Variants in ORC2 observed in about 807,000 individuals in gnomAD.
ORC2 encodes the protein origin recognition complex subunit 2, also known as origin recognition complex protein 2 homolog.
In ORC2, 37 loss-of-function variants were observed where a neutral mutation model predicts 77.7. The ratio of observed to expected loss-of-function variants is 0.48; its 90% CI spans 0.37 to 0.63. The LOEUF is 0.63. ORC2 is among the 20% of genes least tolerant of loss of function. ORC2 has a pLI of 0.00. For synonymous variants in ORC2, 201 were observed against 229.5 expected (o/e 0.88, Z 1.12); for missense variants, 557 against 661.9 (o/e 0.84, Z 1.74).
chr2:200,925,419 A>G (rs1349873271), intron 13 of ORC2, among the ~76,000 whole-genome samples: 1 of 152,186 alleles, frequency 6.6e-6, no homozygotes, highest in Non-Finnish European at 1.5e-5. Flanking sequence ...ACTTTTTTAG[A>G]GCACCAAGAT....
intron 1 of ORC2, among the ~76,000 whole-genome samples, chr2:200,960,982 G>A (rs903747672): frequency 1.1e-4 from 16 of 152,020 alleles, no homozygotes; most frequent in African/African-American, 3.1e-4. Flanking sequence ...TCACCATGTC[G>A]GCCAGGATGG....
Position 200,909,737 on chromosome 2 carries a change from T to A in ORC2, c.*1564A>T. ...AAAAAAAAAGACTAAGCCCATGGAC[T>A]TAACATAAAATTACTTTTTAAAAAA... On this transcript the variant is annotated 3_prime_UTR_variant, in exon 18 of 18. Transcript: ENST00000234296. 1 of 147,634 alleles carries A rather than the reference T, an allele frequency of 6.8e-6. No individual in the cohort carries two copies. 9.1% of individuals were successfully genotyped at this position (147,634 alleles called of 1,614,324 possible). A position where few individuals can be genotyped will look rare whatever the true frequency, so the allele number is the denominator to read the frequency against.
chr2:200,950,865 TCAAA>T (rs2041341986), intron 4 of ORC2, among the ~76,000 whole-genome samples: 2 of 152,212 alleles, frequency 1.3e-5, no homozygotes, highest in Admixed American at 1.3e-4. Flanking sequence ...TTAATCTTTG[TCAAA>T]CAATGGGTAT....
chr2:200,925,933 C>A lies in ORC2; in HGVS notation c.1051-1G>T. The A allele has an allele frequency of 6.8e-7, 1 of 1,466,290 alleles. No homozygotes were observed. The highest frequency in any genetic ancestry group is 9.5e-7 in the Non-Finnish European group (1 of 1,057,164). The allele number at this position is 1,466,290 out of a possible 1,614,324, so 90.8% of individuals were successfully genotyped here. ...CTTCTTCTGTTATAGAATTCAGGAC[C>A]TATATCATGAATGTGGAAGAGGTAC... is the stretch of plus-strand genomic sequence containing the variant. On this transcript the variant is annotated splice_acceptor_variant, in intron 12 of 17. Transcript: ENST00000234296. LOFTEE classifies it high-confidence loss of function.
intron 5 of ORC2, among the ~76,000 whole-genome samples, chr2:200,946,617 G>GT (rs1332371595): frequency 6.6e-6 from 1 of 152,108 alleles, no homozygotes; most frequent in Non-Finnish European, 1.5e-5. Context: ...TAATATTCCA[G>GT]TTTTATGCAG....
intron 5 of ORC2, among the ~76,000 whole-genome samples, chr2:200,948,936 T>C (rs1311649761): frequency 6.6e-6 from 1 of 151,916 alleles, no homozygotes; most frequent in Non-Finnish European, 1.5e-5. Flanking sequence ...TTCAAAAAAA[T>C]TTGTGAAGAA....
chr2:200,962,830 T>C (rs1386583135), intron 1 of ORC2, among the ~76,000 whole-genome samples: 1 of 152,226 alleles, frequency 6.6e-6, no homozygotes, highest in East Asian at 1.9e-4. Flanking sequence ...GTAATGATTC[T>C]ATTAGGATTT....
chr2:200,915,797 G>A (rs957580401), intron 15 of ORC2, among the ~76,000 whole-genome samples: 1 of 151,980 alleles, frequency 6.6e-6, no homozygotes, highest in Admixed American at 6.6e-5. Flanking sequence ...AGGTTCAAGC[G>A]ATTTTCATGC....
At chr2:200,954,297 G>T (rs1004834185) in intron 4 of ORC2, among the ~76,000 whole-genome samples, 2 of 152,112 alleles carry the variant, frequency 1.3e-5, no homozygotes, top group Admixed American at 1.3e-4. Flanking sequence ...GCCTCCCAAA[G>T]TGCTGAGATT....
intron 4 of ORC2, among the ~76,000 whole-genome samples, chr2:200,953,225 C>T (rs552507277): frequency 1.3e-5 from 2 of 150,394 alleles, no homozygotes; most frequent in African/African-American, 2.4e-5. Flanking sequence ...ATTAGTTACA[C>T]TAATAAAAAG....
intron 17 of ORC2, 80 bp downstream of exon 17, chr2:200,913,215 C>G (rs1478469323): frequency 1.9e-6 from 2 of 1,040,748 alleles, no homozygotes; most frequent in South Asian, 1.5e-5. Flanking sequence ...AAAATCAGGT[C>G]TAAGTCAAAC....
In ORC2 at chr2:200,910,825, T is replaced by A. The variant is rs929923170; in HGVS notation, c.*476A>T. 6.5e-6 allele frequency: 1 copy of A among 154,160 alleles called. No individual in the cohort carries two copies. Among genetic ancestry groups the A allele is most frequent in the African/African-American group, 2.4e-5 (1 of 41,456 alleles). 9.5% of individuals were successfully genotyped at this position (154,160 alleles called of 1,614,324 possible). ...GTTTTAGAAACAATAAGAGATGACCTGCCCTCTCCATTACACTCGTTGGTT... is the reference window on the plus strand; with the variant it reads ...GTTTTAGAAACAATAAGAGATGACCAGCCCTCTCCATTACACTCGTTGGTT... On this transcript the variant is annotated 3_prime_UTR_variant, in exon 18 of 18. Transcript: ENST00000234296.
chr2:200,938,906 G>C (rs1005830186), intron 7 of ORC2, among the ~76,000 whole-genome samples: 1 of 152,032 alleles, frequency 6.6e-6, no homozygotes, highest in African/African-American at 2.4e-5. Context: ...GGGCGTGCTG[G>C]TGCATGCCTG....
Position 200,957,449 on chromosome 2 carries a change from C to A in ORC2, c.190G>T (p.Val64Phe), listed in dbSNP as rs994360714. The change falls in exon 4 of 18, where the codon GTC (valine) becomes TTC (phenylalanine). Residue 64 changes from valine (V) to phenylalanine (F), a missense_variant. Val to Phe is a conservative substitution (Grantham distance 50). Coordinates refer to ENST00000234296, the MANE Select transcript of ORC2 (RefSeq NM_006190.5). ...EYDLEEDDQE[V>F]LKDQNYVEIM... The stretch of plus-strand genomic sequence containing the variant: ...TCCACATAGTTCTGATCTTTTAAGA[C>A]CTCCTGGTCATCTTCCTCCAAATCA... 5 of 1,610,680 alleles carry A rather than the reference C, an allele frequency of 3.1e-6. No individual in the cohort carries two copies. Among genetic ancestry groups the A allele is most frequent in the African/African-American group, 2.7e-5 (2 of 74,718 alleles).
intron 4 of ORC2, among the ~76,000 whole-genome samples, chr2:200,954,904 G>GAATAAATAAATAAATAAATA (rs66473778): frequency 1.4e-4 from 20 of 144,732 alleles, no homozygotes; most frequent in Admixed American, 5.5e-4. Context: ...ATGAATGAAT[G>GAATAAATAAATAAATAAATA]AATAAATAAA....
intron 10 of ORC2, among the ~76,000 whole-genome samples, chr2:200,932,192 C>T (rs2040952957): frequency 6.6e-6 from 1 of 152,110 alleles, no homozygotes; most frequent in Admixed American, 6.6e-5. Context: ...CAACTCTTAT[C>T]TCTTCTGAGT....
chr2:200,954,760 T>A (rs11892372), intron 4 of ORC2, among the ~76,000 whole-genome samples: 49,347 of 151,882 alleles, frequency 0.32, 10,834 homozygotes, highest in African/African-American at 0.62. Context: ...CTGAAATTTT[T>A]AGGGTGGGAA....
chr2:200,952,292 C>T (rs1228433079), intron 4 of ORC2, among the ~76,000 whole-genome samples: 1 of 152,048 alleles, frequency 6.6e-6, no homozygotes, highest in Admixed American at 6.6e-5. Context: ...CGGAGTCTCA[C>T]TCTGTCGCCC....
At chr2:200,957,266 A>T in intron 4 of ORC2, 135 bp downstream of exon 4, 1 of 601,182 alleles carries the variant, frequency 1.7e-6, no homozygotes, top group Non-Finnish European at 2.7e-6. Context: ...GGAGAAATTG[A>T]AGCAAATGCT....
Sources: allele counts gnomAD v4.1 joint callset (sites outside exome capture counted in the v4.1 genomes callset), GRCh38; gene constraint gnomAD v4.1.1; transcripts MANE v1.5; gene names NCBI Gene and HGNC (gene_info 2026-07-23, HGNC 2026-07-21).